PHF2: variants seen among roughly 807,000 people sequenced by gnomAD.
PHF2 encodes PHD finger protein 2.
PHF2 carries 27 observed loss-of-function variants against 120.5 expected under a neutral mutation model. The observed-to-expected ratio is 0.22, with a 90% CI of 0.17 to 0.31. PHF2 has a LOEUF of 0.31. Among genes scored for constraint, PHF2 ranks in the 10% least tolerant of loss-of-function variants. The probability of loss-of-function intolerance (pLI) is 1.00; values close to 1 mark genes in which losing one functional copy is unlikely to be tolerated. For synonymous variants in PHF2, 568 were observed against 592.5 expected, an observed-to-expected ratio of 0.96 and a Z score of 0.60; for missense variants, 1,024 against 1,434.8, an observed-to-expected ratio of 0.71 and a Z score of 4.63.
intron 1 of PHF2, among the ~76,000 whole-genome samples, chr9:93,600,628 C>T (rs1256034989): frequency 6.6e-6 from 1 of 152,186 alleles, no homozygotes; most frequent in Admixed American, 6.6e-5. Context: ...ACAGCCATCT[C>T]GCAGGTTGTG....
intron 3 of PHF2, 57 bp from the exon 4 acceptor site, chr9:93,645,572 G>A: frequency 2.0e-6 from 3 of 1,495,398 alleles, no homozygotes; most frequent in Non-Finnish European, 2.7e-6. Flanking sequence ...GTCCACACCT[G>A]TCCCGGTGCA....
chr9:93,615,059 T>C (rs936249828), intron 1 of PHF2, among the ~76,000 whole-genome samples: 8 of 151,552 alleles, frequency 5.3e-5, no homozygotes, highest in Non-Finnish European at 1.2e-4. Context: ...ATGGCGATGA[T>C]GGTGACAGTG....
At chr9:93,675,820 C>T in intron 20 of PHF2, 31 bp downstream of exon 20, 1 of 1,541,878 alleles carries the variant, frequency 6.5e-7, no homozygotes, top group Non-Finnish European at 8.9e-7. Flanking sequence ...CACACGGCAG[C>T]CAGGTCCCTG....
chr9:93,636,249 G>T (rs929618110), intron 2 of PHF2, among the ~76,000 whole-genome samples, 162 bp from the exon 3 acceptor site: 6 of 152,090 alleles, frequency 3.9e-5, no homozygotes, highest in Admixed American at 6.5e-5. Flanking sequence ...CTCCCTATGT[G>T]CATGGCAGGG....
At chr9:93,669,578 T>G (rs1826744765) in intron 17 of PHF2, among the ~76,000 whole-genome samples, 1 of 152,224 alleles carries the variant, frequency 6.6e-6, no homozygotes, top group African/African-American at 2.4e-5. Context: ...CAGTCCAGTA[T>G]GTCTCAGACA....
Position 93,660,350 on chromosome 9 carries a change from T to G in PHF2, c.1488T>G (p.Thr496=). 6.2e-7 allele frequency: 1 copy of G among 1,600,838 alleles called. No individual in the cohort carries two copies. The highest frequency in any genetic ancestry group is 8.5e-7 in the Non-Finnish European group (1 of 1,173,856). ...TGTCCAAAAAAAAGACTCCCAAAAC[T>G]GTGAAGATGCCCAAGCCATCCAAAA... ...EKVSKKKTPK[T]VKMPKPSKIP... is the part of the protein sequence containing the mutation. Residue 496 remains threonine, a synonymous_variant, in exon 12 of 22, where the codon ACT becomes ACG. Coordinates refer to ENST00000359246, the MANE Select transcript of PHF2 (RefSeq NM_005392.4).
chr9:93,675,921 G>A (rs1587725150), intron 20 of PHF2, 132 bp downstream of exon 20: 2 of 644,348 alleles, frequency 3.1e-6, no homozygotes, highest in African/African-American at 1.8e-5. Context: ...TCACAGGCTT[G>A]GGGACATTTG....
chr9:93,677,540 C>G lies in PHF2; in HGVS notation c.3203-48C>G, dbSNP rs1167994656. The G allele has an allele frequency of 6.9e-7, 1 of 1,456,464 alleles. No individual in the cohort carries two copies. Among genetic ancestry groups the G allele is most frequent in the Admixed American group, 1.7e-5 (1 of 59,002 alleles). The allele number at this position is 1,456,464 out of a possible 1,614,324, so 90.2% of individuals were successfully genotyped here. A position where few individuals can be genotyped will look rare whatever the true frequency, so the allele number is the denominator to read the frequency against. The stretch of plus-strand genomic sequence containing the variant: ...CCCCACCGGCATGCCACGCCCCTTG[C>G]CATCTAGCTTACCTTCCCTTTTTGT... On this transcript the variant is annotated intron_variant, in intron 21 of 21. Coordinates refer to ENST00000359246, the MANE Select transcript of PHF2 (RefSeq NM_005392.4). The surrounding 1 kb of genome is among the most constrained non-coding windows in gnomAD (Gnocchi z 4.4).
intron 1 of PHF2, among the ~76,000 whole-genome samples, chr9:93,615,079 A>G (rs1825702899): frequency 6.7e-6 from 1 of 148,436 alleles, no homozygotes; most frequent in South Asian, 2.2e-4. Context: ...GATGGTGGTG[A>G]TGGTAGTGAT....
At chr9:93,629,833 C>T in intron 1 of PHF2, 137 bp from the exon 2 acceptor site, 3 of 789,134 alleles carry the variant, frequency 3.8e-6, no homozygotes, top group Non-Finnish European at 4.3e-6. Context: ...TAGTAGAACA[C>T]TGTCCCTGCA....
intron 5 of PHF2, 71 bp downstream of exon 5, chr9:93,649,283 GC>G: frequency 7.6e-7 from 1 of 1,313,274 alleles, no homozygotes; most frequent in Non-Finnish European, 1.1e-6. Context: ...CTTGGTAGTC[GC>G]CTGAGAAGCA....
chr9:93,669,653 C>G (rs1434138642), intron 17 of PHF2, among the ~76,000 whole-genome samples: 3 of 152,226 alleles, frequency 2.0e-5, no homozygotes, highest in Non-Finnish European at 4.4e-5. Context: ...TGGGCATCTT[C>G]CTGAGTCTGC....
intron 1 of PHF2, among the ~76,000 whole-genome samples, chr9:93,587,157 C>T (rs1564371776): frequency 6.6e-6 from 1 of 152,078 alleles, no homozygotes; most frequent in Non-Finnish European, 1.5e-5. Context: ...TAGTTAGGGG[C>T]TGGCAGAGCC....
intron 1 of PHF2, among the ~76,000 whole-genome samples, chr9:93,598,315 A>C (rs1434948948): frequency 3.3e-5 from 5 of 152,218 alleles, no homozygotes; most frequent in Non-Finnish European, 5.9e-5. Flanking sequence ...GCCAGTGAAG[A>C]GGGCCGTGCT....
chr9:93,645,546 C>A, intron 3 of PHF2, 83 bp from the exon 4 acceptor site: 1 of 1,408,786 alleles, frequency 7.1e-7, no homozygotes, highest in Non-Finnish European at 9.4e-7. Flanking sequence ...GCTCACCTCT[C>A]CAGCACCGAG....
chr9:93,648,453 C>G (rs1826300306), intron 4 of PHF2, among the ~76,000 whole-genome samples: 1 of 152,232 alleles, frequency 6.6e-6, no homozygotes, highest in South Asian at 2.1e-4. Context: ...TCTGTCCACA[C>G]TAAACCCCAT....
In PHF2 at chr9:93,679,381, C is replaced by G. The variant is rs1469735471; in HGVS notation, c.*1705C>G. 2 of 388,790 alleles carry G rather than the reference C, an allele frequency of 5.1e-6. No homozygotes were observed. The highest frequency in any genetic ancestry group is 1.0e-5 in the Non-Finnish European group (2 of 199,086). 24.1% of individuals were successfully genotyped at this position (388,790 alleles called of 1,614,324 possible). A position where few individuals can be genotyped will look rare whatever the true frequency, so the allele number is the denominator to read the frequency against. On this transcript the variant is annotated 3_prime_UTR_variant, in exon 22 of 22. Coordinates refer to ENST00000359246, the MANE Select transcript of PHF2 (RefSeq NM_005392.4). ...CTTGTTGAACATTTATATAATCTAACCTGGACATCAAGCTGTTCTCTCTCT... is the reference window on the plus strand; with the variant it reads ...CTTGTTGAACATTTATATAATCTAAGCTGGACATCAAGCTGTTCTCTCTCT...
At chr9:93,645,075 G>A (rs1326500761) in intron 3 of PHF2, among the ~76,000 whole-genome samples, 1 of 152,200 alleles carries the variant, frequency 6.6e-6, no homozygotes, top group African/African-American at 2.4e-5. Context: ...GCTAGGCAGG[G>A]CGAGAGAGAG....
At chr9:93,580,758 G>T (rs376397313) in intron 1 of PHF2, among the ~76,000 whole-genome samples, 4 of 152,196 alleles carry the variant, frequency 2.6e-5, no homozygotes, top group Admixed American at 6.5e-5. Context: ...GTAAATATTT[G>T]TTGGGCTTGT....
Sources: gnomAD v4.1 joint callset for allele counts (sites outside exome capture counted in the v4.1 genomes callset) on GRCh38, gnomAD v4.1.1 for gene constraint, Gnocchi (gnomAD v3.1) non-coding constraint, MANE v1.5 for transcripts, NCBI Gene and HGNC (gene_info 2026-07-23, HGNC 2026-07-21) for gene names.